Variants in AGBL1 observed in about 807,000 individuals in gnomAD.
AGBL1 encodes AGBL carboxypeptidase 1.
A neutral mutation model predicts 118.9 loss-of-function variants in AGBL1; 130 were observed. The ratio of observed to expected loss-of-function variants is 1.09; its 90% CI spans 0.95 to 1.26. The LOEUF (loss-of-function observed/expected upper bound fraction) is 1.26, where lower values mean the gene tolerates loss of function less well. Ranked by LOEUF, AGBL1 falls within the 50% of genes most tolerant of loss-of-function variation. The pLI is 0.00. For synonymous variants in AGBL1, 555 were observed against 478.9 expected (o/e 1.16, Z -2.08); for missense variants, 1,584 against 1,298.1 (o/e 1.22, Z -3.38).
At chr15:86,954,290 A>G (rs72755658) in intron 23 of AGBL1, among the ~76,000 whole-genome samples, 16,120 of 152,192 alleles carry the variant, frequency 0.11, 1,002 homozygotes, top group South Asian at 0.24. Flanking sequence ...CAATCCCATT[A>G]CTGTGTATAT....
chr15:86,101,852 CTT>C (rs1349060593), intron 1 of AGBL1, among the ~76,000 whole-genome samples: 4 of 152,030 alleles, frequency 2.6e-5, no homozygotes, highest in African/African-American at 9.7e-5. Flanking sequence ...TAAATGAAAA[CTT>C]AATGCATTTA....
chr15:86,846,406 A>C (rs1216046361), intron 22 of AGBL1, among the ~76,000 whole-genome samples: 1 of 152,218 alleles, frequency 6.6e-6, no homozygotes, highest in Non-Finnish European at 1.5e-5. Flanking sequence ...GTACATAAGG[A>C]GAAATTCTAC....
intron 21 of AGBL1, among the ~76,000 whole-genome samples, chr15:86,665,674 T>C (rs2085631934): frequency 6.6e-6 from 1 of 152,148 alleles, no homozygotes; most frequent in Admixed American, 6.6e-5. Flanking sequence ...TTGAAAAACC[T>C]TCTCCTGGTT....
chr15:86,782,797 T>C (rs992680516), intron 22 of AGBL1, among the ~76,000 whole-genome samples: 2 of 152,248 alleles, frequency 1.3e-5, no homozygotes, highest in African/African-American at 4.8e-5. Flanking sequence ...CTTGCAATGG[T>C]AAAGCAAATA....
At chr15:86,444,983 A>T (rs1211631598) in intron 18 of AGBL1, among the ~76,000 whole-genome samples, 2 of 152,234 alleles carry the variant, frequency 1.3e-5, no homozygotes, top group Non-Finnish European at 2.9e-5. Flanking sequence ...GATTTTAATT[A>T]TCTGGTGGGG....
chr15:86,758,422 A>G (rs1365038105), intron 22 of AGBL1, among the ~76,000 whole-genome samples: 3 of 152,130 alleles, frequency 2.0e-5, no homozygotes, highest in Non-Finnish European at 2.9e-5. Flanking sequence ...AGTACCATGT[A>G]TCATACCATG....
At chr15:86,707,962 A>C (rs539811263) in intron 22 of AGBL1, among the ~76,000 whole-genome samples, 95 of 152,270 alleles carry the variant, frequency 6.2e-4, no homozygotes, top group African/African-American at 3.4e-4. Flanking sequence ...AACACAGACC[A>C]CAATTCTTTT....
At chr15:86,721,140 C>T (rs1400218488) in intron 22 of AGBL1, among the ~76,000 whole-genome samples, 1 of 152,184 alleles carries the variant, frequency 6.6e-6, no homozygotes, top group African/African-American at 2.4e-5. Context: ...TCCTCCCTAA[C>T]TCATTTAATG....
At chr15:86,244,226 G>C (rs185350444) in intron 6 of AGBL1, among the ~76,000 whole-genome samples, 1 of 152,072 alleles carries the variant, frequency 6.6e-6, no homozygotes, top group East Asian at 1.9e-4. Flanking sequence ...CTCTTCCAAA[G>C]AGGGGGACTT....
intron 1 of AGBL1, among the ~76,000 whole-genome samples, chr15:86,096,448 C>G (rs147845565): frequency 1.3e-5 from 2 of 152,202 alleles, no homozygotes; most frequent in Non-Finnish European, 2.9e-5. Context: ...GCAGCTAAAT[C>G]TAGATCATAT....
intron 16 of AGBL1, among the ~76,000 whole-genome samples, chr15:86,293,936 T>A (rs2079590038): frequency 6.6e-6 from 1 of 152,064 alleles, no homozygotes; most frequent in Non-Finnish European, 1.5e-5. Flanking sequence ...GGGAGGATAA[T>A]TTTTGGGCAG....
At chr15:86,167,121 A>T (rs2077352569) in intron 5 of AGBL1, among the ~76,000 whole-genome samples, 1 of 152,114 alleles carries the variant, frequency 6.6e-6, no homozygotes, top group South Asian at 2.1e-4. Flanking sequence ...CAACACTGTA[A>T]CCACCTACAA....
At chr15:87,013,594 G>A (rs1192398308) in intron 24 of AGBL1, among the ~76,000 whole-genome samples, 1 of 151,976 alleles carries the variant, frequency 6.6e-6, no homozygotes, top group South Asian at 2.1e-4. Context: ...AGTAGGAAGG[G>A]TTCCAAGACC....
intron 22 of AGBL1, among the ~76,000 whole-genome samples, chr15:86,747,978 G>A (rs546914068): frequency 1.1e-4 from 16 of 152,092 alleles, no homozygotes; most frequent in African/African-American, 1.7e-4. Context: ...ATTTATAATC[G>A]TTTGGGTATA....
At chr15:86,121,989 C>T (rs773398204) in intron 1 of AGBL1, among the ~76,000 whole-genome samples, 6 of 152,206 alleles carry the variant, frequency 3.9e-5, no homozygotes, top group Non-Finnish European at 8.8e-5. Context: ...CATTTCAACT[C>T]AGAAAGCAAT....
intron 18 of AGBL1, among the ~76,000 whole-genome samples, chr15:86,487,223 C>T (rs988425827): frequency 3.3e-5 from 5 of 152,030 alleles, no homozygotes; most frequent in Non-Finnish European, 7.4e-5. Flanking sequence ...CAGGGTGCAG[C>T]GTTCATCCAG....
intron 22 of AGBL1, among the ~76,000 whole-genome samples, chr15:86,828,350 T>G (rs554139062): frequency 2.8e-4 from 43 of 152,206 alleles, no homozygotes; most frequent in Admixed American, 1.9e-3. Flanking sequence ...TAAATTTTAA[T>G]GTACATGGAA....
At chr15:86,402,771 A>C (rs1284736377) in intron 18 of AGBL1, among the ~76,000 whole-genome samples, 1 of 152,158 alleles carries the variant, frequency 6.6e-6, no homozygotes, top group Admixed American at 6.5e-5. Context: ...TGTCCAGTGA[A>C]ATAAAGGCAT....
At chr15:86,124,044 A>G (rs986650163) in intron 1 of AGBL1, among the ~76,000 whole-genome samples, 1 of 151,978 alleles carries the variant, frequency 6.6e-6, no homozygotes, top group African/African-American at 2.4e-5. Flanking sequence ...ACGATAATGT[A>G]CCAGGCGGGG....
Sources: gnomAD v4.1 joint callset for allele counts (sites outside exome capture counted in the v4.1 genomes callset) on GRCh38, gnomAD v4.1.1 for gene constraint, MANE v1.5 for transcripts, NCBI Gene and HGNC (gene_info 2026-07-23, HGNC 2026-07-21) for gene names.